The following SPECC1 variants were observed in gnomAD, a reference collection of about 807,000 sequenced individuals.
SPECC1 encodes the protein sperm antigen with calponin homology and coiled-coil domains 1.
In SPECC1, 62 loss-of-function variants were observed where a neutral mutation model predicts 104.1. The observed-to-expected ratio is 0.60, with a 90% CI of 0.49 to 0.74. The LOEUF (loss-of-function observed/expected upper bound fraction) is 0.74, where lower values mean the gene tolerates loss of function less well. Among genes scored for constraint, SPECC1 ranks in the 30% least tolerant of loss-of-function variants. The pLI, the probability that SPECC1 is intolerant of heterozygous loss-of-function variation, is 0.00. For synonymous variants in SPECC1, 513 were observed against 501.6 expected (o/e 1.02, Z -0.30); for missense variants, 1,306 against 1,310.5 (o/e 1.00, Z 0.05).
chr17:20,191,885 C>T (rs1024022406), intron 3 of SPECC1, among the ~76,000 whole-genome samples: 4 of 152,064 alleles, frequency 2.6e-5, no homozygotes, highest in South Asian at 2.1e-4. Flanking sequence ...ATTTCTTCTT[C>T]GGTGAGTTGT....
Position 20,060,227 on chromosome 17 carries a change from C to T in SPECC1, c.-21-36404C>T, listed in dbSNP as rs1457999076. Among the ~76,000 whole-genome samples, 2 of 152,046 alleles carry T rather than the reference C, an allele frequency of 1.3e-5. 1 individual carries two copies. The highest frequency in any genetic ancestry group is 3.9e-4 in the East Asian group (2 of 5,194). ...TTGGTAATGAAGTGCATCAGTTTTG[C>T]ACTGAGAAATGTTATTTTGCCCTTG... On this transcript the variant is annotated intron_variant, in intron 1 of 14. Coordinates refer to ENST00000395527, the MANE Select transcript of SPECC1 (RefSeq NM_001243439.2).
chr17:20,050,732 A>T (rs1317632444), intron 1 of SPECC1, among the ~76,000 whole-genome samples: 1 of 152,230 alleles, frequency 6.6e-6, no homozygotes, highest in African/African-American at 2.4e-5. Context: ...GTCAGAGGAC[A>T]GTAGGATGGT....
intron 1 of SPECC1, among the ~76,000 whole-genome samples, chr17:20,029,940 G>C (rs2044742740): frequency 6.6e-6 from 1 of 151,594 alleles, no homozygotes; most frequent in Admixed American, 6.6e-5. Flanking sequence ...CTTTCTGGTT[G>C]CTAGGAATGA....
At chr17:20,181,745 A>G (rs1406104515) in intron 3 of SPECC1, among the ~76,000 whole-genome samples, 1 of 152,124 alleles carries the variant, frequency 6.6e-6, no homozygotes, top group Non-Finnish European at 1.5e-5. Context: ...ACTGGTTAGC[A>G]TTGGAACGTG....
chr17:20,121,040 G>A (rs565564986), intron 3 of SPECC1, among the ~76,000 whole-genome samples: 2 of 152,124 alleles, frequency 1.3e-5, no homozygotes, highest in Admixed American at 1.3e-4. Context: ...CTGTTCTCTG[G>A]GGCTATGCCA....
intron 3 of SPECC1, among the ~76,000 whole-genome samples, chr17:20,146,883 GCA>G (rs2031518193): frequency 6.6e-6 from 1 of 151,994 alleles, no homozygotes. Flanking sequence ...TCCAGCCTGG[GCA>G]ATAAGAGCAA....
chr17:20,093,528 G>T (rs958658422), intron 1 of SPECC1, among the ~76,000 whole-genome samples: 1 of 152,102 alleles, frequency 6.6e-6, no homozygotes, highest in Non-Finnish European at 1.5e-5. Context: ...TTATGTAAAT[G>T]AACTGGCTTC....
At chr17:20,114,748 A>G (rs960862729) in intron 3 of SPECC1, among the ~76,000 whole-genome samples, 103 of 152,276 alleles carry the variant, frequency 6.8e-4, no homozygotes, top group African/African-American at 2.3e-3. Context: ...TATGTAGTGT[A>G]TTCTTCTATA....
intron 1 of SPECC1, among the ~76,000 whole-genome samples, chr17:20,020,376 C>G (rs1430840651): frequency 6.6e-6 from 1 of 151,702 alleles, no homozygotes; most frequent in East Asian, 1.9e-4. Context: ...TACTCTGTCA[C>G]CCAGGCTGGA....
intron 14 of SPECC1, among the ~76,000 whole-genome samples, chr17:20,310,936 T>G (rs2041912470): frequency 6.6e-6 from 1 of 152,178 alleles, no homozygotes; most frequent in Non-Finnish European, 1.5e-5. Flanking sequence ...ATGGAGGTCC[T>G]GCAAGGTGGA....
intron 7 of SPECC1, chr17:20,237,044 A>C (rs146740583): frequency 1.3e-3 from 2,000 of 1,484,198 alleles, no homozygotes; most frequent in Non-Finnish European, 1.7e-3. Context: ...ATTGCCGTCG[A>C]GTCTCTGCTT....
At chr17:20,156,164 C>A in intron 3 of SPECC1, 1 of 1,437,026 alleles carries the variant, frequency 7.0e-7, no homozygotes, top group South Asian at 1.4e-5. Flanking sequence ...GGTCCGAGGC[C>A]GGCAAGCCGG....
chr17:20,079,962 A>G (rs1215999954), intron 1 of SPECC1, among the ~76,000 whole-genome samples: 1 of 152,126 alleles, frequency 6.6e-6, no homozygotes, highest in East Asian at 1.9e-4. Flanking sequence ...CCCTACCGCC[A>G]TGTCTTCATT....
rs941602642 is a variant in SPECC1 at position 20,156,077 on chromosome 17, C to T, written c.283+45515C>T. On this transcript the variant is annotated intron_variant, in intron 3 of 14. Coordinates refer to ENST00000395527, the MANE Select transcript of SPECC1 (RefSeq NM_001243439.2). Reference sequence around the variant, plus strand: ...GGAACTGGAAGGCGCCCGGTCCTTTCTTTGACTGGAGCGGACCCGCCGGAC... The same window carrying T: ...GGAACTGGAAGGCGCCCGGTCCTTTTTTTGACTGGAGCGGACCCGCCGGAC... 5 of 1,326,210 alleles carry T rather than the reference C, an allele frequency of 3.8e-6. No homozygotes were observed. In the African/African-American group the frequency reaches 4.6e-5, roughly 12 times the overall value. 82.2% of individuals were successfully genotyped at this position (1,326,210 alleles called of 1,614,324 possible).
In SPECC1 at chr17:20,205,842, G is replaced by A; in HGVS notation, c.1793G>A (p.Cys598Tyr). The A allele has an allele frequency of 2.5e-6, 4 of 1,614,118 alleles. No homozygotes were observed. The highest frequency in any genetic ancestry group is 3.4e-6 in the Non-Finnish European group (4 of 1,180,012). Reference sequence around the variant, plus strand: ...GAGAAAGATCTACTGGAACTGTCTTGCAATGAGCTCAGACAAGAATTACTA... The same window carrying A: ...GAGAAAGATCTACTGGAACTGTCTTACAATGAGCTCAGACAAGAATTACTA... ...RAEKDLLELS[C>Y]NELRQELLKA... is the part of the protein sequence containing the mutation. Residue 598 changes from cysteine (C) to tyrosine (Y), a missense_variant, in exon 4 of 15, where the codon TGC becomes TAC. Physicochemically the swap from Cys to Tyr is radical, Grantham distance 194. This residue lies in a region of SPECC1 where 1,177 missense variants were observed against 1,139.9 expected (regional missense o/e 1.03). Coordinates refer to ENST00000395527, the MANE Select transcript of SPECC1 (RefSeq NM_001243439.2).
chr17:20,244,589 C>A (rs2039341843), intron 7 of SPECC1, among the ~76,000 whole-genome samples: 1 of 151,742 alleles, frequency 6.6e-6, no homozygotes, highest in South Asian at 2.1e-4. Flanking sequence ...TTATTCTATT[C>A]ATGTTATTTA....
chr17:20,052,949 C>T (rs1387400122), intron 1 of SPECC1, among the ~76,000 whole-genome samples: 1 of 152,220 alleles, frequency 6.6e-6, no homozygotes, highest in African/African-American at 2.4e-5. Context: ...GACAGGACCA[C>T]ACTAAATAGC....
chr17:20,129,390 G>A (rs778629366), intron 3 of SPECC1, among the ~76,000 whole-genome samples: 45 of 151,326 alleles, frequency 3.0e-4, no homozygotes, highest in Non-Finnish European at 3.4e-4. Context: ...GTTTTACCCC[G>A]TGTTAGCCAG....
At chr17:20,272,939 T>C (rs1181190108) in intron 12 of SPECC1, among the ~76,000 whole-genome samples, 1 of 152,216 alleles carries the variant, frequency 6.6e-6, no homozygotes, top group East Asian at 1.9e-4. Context: ...TTGGTATCTT[T>C]AGGTCTCTAT....
Sources: allele counts gnomAD v4.1 joint callset (sites outside exome capture counted in the v4.1 genomes callset), GRCh38; gene constraint gnomAD v4.1.1; regional missense constraint gnomAD v4.1.1; transcripts MANE v1.5; gene names NCBI Gene and HGNC (gene_info 2026-07-23, HGNC 2026-07-21).